The following ZNF536 variants were observed in gnomAD, a reference collection of about 807,000 sequenced individuals.
The protein encoded by ZNF536 is zinc finger protein 536.
Under a neutral mutation model 84.5 loss-of-function variants are expected in ZNF536, and 13 were observed. The ratio of observed to expected loss-of-function variants is 0.15; its 90% CI spans 0.10 to 0.24. The LOEUF (loss-of-function observed/expected upper bound fraction) is 0.24, where lower values mean the gene tolerates loss of function less well. Among genes scored for constraint, ZNF536 ranks in the 10% least tolerant of loss-of-function variants. ZNF536 has a pLI of 1.00. For missense variants in ZNF536, 1,536 were observed against 1,747.5 expected (o/e 0.88, Z 2.16); for synonymous variants, 811 against 742.5 (o/e 1.09, Z -1.50).
rs183515066 is a variant in ZNF536 at position 30,708,537 on chromosome 19, A to G, written c.170-2220A>G. Among the ~76,000 whole-genome samples the G allele has an allele frequency of 3.5e-4, 53 of 152,330 alleles. 1 individual carries two copies. The highest frequency in any genetic ancestry group is 3.3e-3 in the Admixed American group (51 of 15,300). ...TCGCTCTGTTGTCCCTGGGGAGGAC[A>G]GGCTGGCGGTGGGAAACTGGAAGCA... On this transcript the variant is annotated intron_variant, in intron 1 of 1. Transcript: ENST00000592773.
intron 2 of ZNF536, among the ~76,000 whole-genome samples, chr19:30,491,084 G>A (rs868738588): frequency 6.6e-6 from 1 of 152,150 alleles, no homozygotes; most frequent in Non-Finnish European, 1.5e-5. Context: ...GCCTGTCCAA[G>A]GACCTTGGTT....
At chr19:30,677,556 A>G (rs1400251889) in intron 1 of ZNF536, among the ~76,000 whole-genome samples, 2 of 152,358 alleles carry the variant, frequency 1.3e-5, no homozygotes, top group East Asian at 3.9e-4. Flanking sequence ...CCTCAGGCCC[A>G]GAGCAAAATG....
At chr19:30,235,617 C>A (rs1375757725) in intron 1 of ZNF536, among the ~76,000 whole-genome samples, 1 of 152,166 alleles carries the variant, frequency 6.6e-6, no homozygotes, top group East Asian at 1.9e-4. Context: ...TATCTAGAAA[C>A]ACTTATCCCT....
intron 1 of ZNF536, among the ~76,000 whole-genome samples, chr19:30,422,239 C>G (rs1275888921): frequency 6.6e-6 from 1 of 152,086 alleles, no homozygotes; most frequent in African/African-American, 2.4e-5. Flanking sequence ...CAGGGCTCTA[C>G]AGAAAACCTC....
chr19:30,338,193 T>C (rs1419513935), intron 2 of ZNF536, among the ~76,000 whole-genome samples: 1 of 151,878 alleles, frequency 6.6e-6, no homozygotes, highest in Non-Finnish European at 1.5e-5. Flanking sequence ...GTGATGGTGG[T>C]GATGATGTTG....
chr19:30,261,697 C>CA lies in ZNF536; in HGVS notation c.-189-22355dup, dbSNP rs56820609. Among the ~76,000 whole-genome samples, 322 of 99,800 alleles carry CA rather than the reference C, an allele frequency of 3.2e-3. 1 individual carries two copies. The highest frequency in any genetic ancestry group is 0.02 in the East Asian group (67 of 3,294). The allele number at this position is 99,800 out of a possible 152,430, so 65.5% of individuals were successfully genotyped here. A position where few individuals can be genotyped will look rare whatever the true frequency, so the allele number is the denominator to read the frequency against. ...CTGGGCAACGGAGTGGGACCTTGTC[C>CA]AAAAAAAAAAAAAAAAAAAAGAAAA... is the stretch of plus-strand genomic sequence containing the variant. On this transcript the variant is annotated intron_variant, in intron 1 of 5. Transcript: ENST00000585628.
chr19:30,577,422 C>T (rs1301068361), intron 1 of ZNF536, among the ~76,000 whole-genome samples: 2 of 152,052 alleles, frequency 1.3e-5, no homozygotes, highest in Non-Finnish European at 2.9e-5. Context: ...TAGTTATAAA[C>T]AAAGGACAGA....
chr19:30,633,443 A>G (rs1246081897), intron 1 of ZNF536, among the ~76,000 whole-genome samples: 1 of 152,242 alleles, frequency 6.6e-6, no homozygotes, highest in African/African-American at 2.4e-5. Context: ...CTCTCTGGTA[A>G]TATTGAAATG....
At chr19:30,225,808 C>T (rs992698126), upstream of ZNF536, among the ~76,000 whole-genome samples, 4 of 150,590 alleles carry the variant, frequency 2.7e-5, no homozygotes. Context: ...CTTGGCGCGG[C>T]CCCCCCGTCC....
rs936624416 is a variant in ZNF536 at position 30,548,257 on chromosome 19, G to A, written c.2638G>A (p.Val880Ile). ...SGQATGMSSEVPSDALKGTDL... is the reference protein window; with the variant it reads ...SGQATGMSSEIPSDALKGTDL... ...GCAGGCCACGGGCATGTCTTCGGAG[G>A]TCCCCTCAGATGCTCTGAAAGGCAC... Residue 880 changes from valine to isoleucine, a missense_variant, in exon 4 of 5, where the codon GTC becomes ATC. Coordinates refer to ENST00000355537, the MANE Select transcript of ZNF536 (RefSeq NM_014717.3). 6.2e-7 allele frequency: 1 copy of A among 1,614,088 alleles called. No homozygotes were observed. Among genetic ancestry groups the A allele is most frequent in the African/African-American group, 1.3e-5 (1 of 74,946 alleles).
chr19:30,533,118 T>C (rs183087969), intron 2 of ZNF536, among the ~76,000 whole-genome samples: 17 of 152,288 alleles, frequency 1.1e-4, no homozygotes, highest in African/African-American at 4.1e-4. Context: ...ATTTCAAATA[T>C]AAATAACTGT....
intron 1 of ZNF536, among the ~76,000 whole-genome samples, chr19:30,401,182 G>T (rs2147505303): frequency 6.6e-6 from 1 of 152,192 alleles, no homozygotes; most frequent in African/African-American, 2.4e-5. Flanking sequence ...GGCCTTACCT[G>T]TGTGGGGGGC....
exon 2 of ZNF536, chr19:30,711,565 C>T (rs1362471446): frequency 1.3e-5 from 2 of 152,134 alleles, no homozygotes; most frequent in African/African-American, 2.4e-5. Flanking sequence ...CTTGGAGAAA[C>T]CTTAGACGGC....
intron 1 of ZNF536, among the ~76,000 whole-genome samples, chr19:30,418,679 G>T (rs1172598391): frequency 6.6e-6 from 1 of 152,156 alleles, no homozygotes; most frequent in African/African-American, 2.4e-5. Flanking sequence ...GGGGTTGGAA[G>T]GGTGTCTATG....
Position 30,443,699 on chromosome 19 carries a change from C to A in ZNF536, c.137C>A (p.Ala46Asp), listed in dbSNP as rs1475559754. Reference sequence around the variant, plus strand: ...CAGATCACCTCCCAGCTCAGCCATGCCTTCCCCGAGCTCCATCCCCGGCCC... The same window carrying A: ...CAGATCACCTCCCAGCTCAGCCATGACTTCCCCGAGCTCCATCCCCGGCCC... ...LHQITSQLSH[A>D]FPELHPRPNP... Residue 46 changes from alanine (A) to aspartate (D), a missense_variant, in exon 2 of 5, where the codon GCC becomes GAC. Transcript: ENST00000355537. 1 of 1,613,816 alleles carries A rather than the reference C, an allele frequency of 6.2e-7. No individual in the cohort carries two copies. The highest frequency in any genetic ancestry group is 8.5e-7 in the Non-Finnish European group (1 of 1,179,936).
At position 30,396,592 on chromosome 19, in the gene ZNF536, CTTTTT is replaced by C. The variant is rs386388859; in HGVS notation, c.-3+24052_-3+24056del. Among the ~76,000 whole-genome samples the C allele has an allele frequency of 2.6e-4, 29 of 112,364 alleles. 1 individual carries two copies. The highest frequency in any genetic ancestry group is 2.3e-3 in the Admixed American group (24 of 10,270). 73.7% of individuals were successfully genotyped at this position (112,364 alleles called of 152,430 possible). A position where few individuals can be genotyped will look rare whatever the true frequency, so the allele number is the denominator to read the frequency against. On this transcript the variant is annotated intron_variant, in intron 1 of 4. Transcript: ENST00000355537. ...TCCATTTGCTATGAGAGGGCTCTCT[CTTTTT>C]TTTTTTTTTTTTTTTGAGACAAAGT...
At position 30,437,703 on chromosome 19, in the gene ZNF536, G is replaced by C. The variant is rs138280511; in HGVS notation, c.-2-5858G>C. ...CCTGTGCTCAGAAAAGGTCAGGACT[G>C]GGGGGGAATGTTGCCATGTTTCTAC... On this transcript the variant is annotated intron_variant, in intron 1 of 4. Coordinates refer to ENST00000355537, the MANE Select transcript of ZNF536 (RefSeq NM_014717.3). Among the ~76,000 whole-genome samples, 12 of 152,124 alleles carry C rather than the reference G, an allele frequency of 7.9e-5. No homozygotes were observed. In the South Asian group the frequency reaches 1.0e-3, roughly 13 times the overall value.
At chr19:30,701,522 GACACACAA>G (rs2051979517) in intron 1 of ZNF536, among the ~76,000 whole-genome samples, 2 of 84,404 alleles carry the variant, frequency 2.4e-5, no homozygotes, top group African/African-American at 7.6e-5. Flanking sequence ...CAAACACACA[GACACACAA>G]ACACACAGAC....
chr19:30,533,883 G>A (rs1351598290), intron 2 of ZNF536, among the ~76,000 whole-genome samples: 2 of 152,222 alleles, frequency 1.3e-5, no homozygotes, highest in African/African-American at 4.8e-5. Flanking sequence ...TGAGCCCAGA[G>A]AAGGTTCTCT....
Sources: gnomAD v4.1 joint callset for allele counts (sites outside exome capture counted in the v4.1 genomes callset) on GRCh38, gnomAD v4.1.1 for gene constraint, MANE v1.5 for transcripts, NCBI Gene and HGNC (gene_info 2026-07-23, HGNC 2026-07-21) for gene names.